The following RHOBTB3 variants were observed in gnomAD, a reference collection of about 807,000 sequenced individuals.
RHOBTB3 encodes the protein rho-related BTB domain-containing protein 3.
Under a neutral mutation model 67.2 loss-of-function variants are expected in RHOBTB3, and 47 were observed. The ratio of observed to expected loss-of-function variants is 0.70; its 90% CI spans 0.55 to 0.89. RHOBTB3 has a LOEUF of 0.89. Among genes scored for constraint, RHOBTB3 ranks in the 40% least tolerant of loss-of-function variants. The probability of loss-of-function intolerance (pLI) is 0.00; values close to 1 mark genes in which losing one functional copy is unlikely to be tolerated. For missense variants in RHOBTB3, 631 were observed against 750.0 expected (o/e 0.84, Z 1.85); for synonymous variants, 273 against 274.2 (o/e 1.00, Z 0.04).
At chr5:95,731,194 G>C (rs1755224754), upstream of RHOBTB3, 1 of 1,004,182 alleles carries the variant, frequency 1.0e-6, no homozygotes. Flanking sequence ...GAGCTCCCGG[G>C]GCCTCCGCGG....
intron 1 of RHOBTB3, among the ~76,000 whole-genome samples, chr5:95,722,253 A>G (rs559511711): frequency 6.6e-6 from 1 of 152,192 alleles, no homozygotes; most frequent in African/African-American, 2.4e-5. Context: ...TTAAAACATG[A>G]GCCAAATTAT....
chr5:95,792,355 C>T (rs1746424640), intron 11 of RHOBTB3, among the ~76,000 whole-genome samples: 2 of 144,988 alleles, frequency 1.4e-5, no homozygotes, highest in South Asian at 4.3e-4. Context: ...CCACTGCGCT[C>T]CAGCCTGGGC....
rs948010737 is a variant in RHOBTB3, at chr5:95,747,447, A to G, written c.416-886A>G. The stretch of plus-strand genomic sequence containing the variant: ...GGGAAGCCAATCTACAACAACATGC[A>G]TTTCTAGAAATGAATTTACCCTCTT... On this transcript the variant is annotated intron_variant, in intron 3 of 11. Transcript: ENST00000379982. Among the ~76,000 whole-genome samples the G allele has an allele frequency of 1.0e-3, 155 of 152,328 alleles. 1 individual carries two copies. Among genetic ancestry groups the G allele is most frequent in the Non-Finnish European group, 9.1e-4 (62 of 68,020 alleles).
chr5:95,731,230 A>T, upstream of RHOBTB3: 1 of 1,002,264 alleles, frequency 1.0e-6, no homozygotes, highest in Non-Finnish European at 1.2e-6. Context: ...CATCCGCCCG[A>T]CCCCCGGGGC....
At chr5:95,784,675 C>T (rs1163119579) in intron 10 of RHOBTB3, among the ~76,000 whole-genome samples, 1 of 152,136 alleles carries the variant, frequency 6.6e-6, no homozygotes, top group Admixed American at 6.5e-5. Flanking sequence ...TGAATCAGAG[C>T]CAGGTCTGTA....
chr5:95,788,460 A>G (rs1354148233), intron 10 of RHOBTB3, among the ~76,000 whole-genome samples: 1 of 152,254 alleles, frequency 6.6e-6, no homozygotes, highest in African/African-American at 2.4e-5. Flanking sequence ...AAAAGCTCAA[A>G]TTAAATCTTC....
At chr5:95,756,703 G>T (rs1745256893) in intron 6 of RHOBTB3, among the ~76,000 whole-genome samples, 1 of 151,860 alleles carries the variant, frequency 6.6e-6, no homozygotes, top group Admixed American at 6.6e-5. Flanking sequence ...CATCTTAATG[G>T]GTTTGATGTG....
chr5:95,773,242 A>T (rs1440890978), intron 8 of RHOBTB3, among the ~76,000 whole-genome samples: 1 of 152,132 alleles, frequency 6.6e-6, no homozygotes, highest in Non-Finnish European at 1.5e-5. Context: ...TTCACCCTTT[A>T]TGCAGGGCTG....
At chr5:95,718,100 T>C (rs1330715195) in intron 1 of RHOBTB3, among the ~76,000 whole-genome samples, 2 of 152,226 alleles carry the variant, frequency 1.3e-5, no homozygotes, top group African/African-American at 2.4e-5. Flanking sequence ...TATGGACCAT[T>C]ATACAAGTCT....
chr5:95,718,465 G>C (rs953126796), intron 1 of RHOBTB3, among the ~76,000 whole-genome samples: 2 of 152,198 alleles, frequency 1.3e-5, no homozygotes, highest in African/African-American at 4.8e-5. Context: ...GAAGCTGAGG[G>C]AAGTTCCCCA....
chr5:95,755,447 A>G lies in RHOBTB3; in HGVS notation c.734A>G (p.Asn245Ser). The change falls in exon 6 of 12, where the codon AAT (asparagine) becomes AGT (serine). Residue 245 changes from asparagine (N) to serine (S), a missense_variant. Physicochemically the swap from Asn to Ser is conservative, Grantham distance 46. Transcript: ENST00000379982. ...AEASHYNSDL[N>S]NLLFCCQCVD... ...GCGTCACATTATAACTCTGACTTAA[A>G]TAACTTGCTGTTCTGCTGCCAGTGT... 6.2e-7 allele frequency: 1 copy of G among 1,612,346 alleles called. No homozygotes were observed. The highest frequency in any genetic ancestry group is 1.1e-5 in the South Asian group (1 of 90,470).
At chr5:95,782,313 C>T (rs1040624758) in intron 9 of RHOBTB3, 1 of 152,016 alleles carries the variant, frequency 6.6e-6, no homozygotes, top group African/African-American at 2.4e-5. Flanking sequence ...CATGAAAAAC[C>T]AGATTTCTAG....
chr5:95,731,215 C>T (rs1359758407), upstream of RHOBTB3: 4 of 1,003,540 alleles, frequency 4.0e-6, no homozygotes, highest in Admixed American at 6.0e-5. Flanking sequence ...GGAGCGCGTC[C>T]CCCGCATCCG....
At chr5:95,780,174 C>A in intron 8 of RHOBTB3, 78 bp from the exon 9 acceptor site, 3 of 1,209,106 alleles carry the variant, frequency 2.5e-6, no homozygotes, top group Non-Finnish European at 1.2e-6. Context: ...ATGTGGTAGT[C>A]TAATTAGAAG....
intron 3 of RHOBTB3, among the ~76,000 whole-genome samples, chr5:95,739,976 G>T (rs1400189267): frequency 6.6e-6 from 1 of 152,196 alleles, no homozygotes; most frequent in African/African-American, 2.4e-5. Context: ...ATCTCACGTT[G>T]AATTGTCATA....
chr5:95,767,103 C>T (rs754322721), intron 7 of RHOBTB3, among the ~76,000 whole-genome samples: 30 of 151,954 alleles, frequency 2.0e-4, no homozygotes, highest in Non-Finnish European at 3.4e-4. Context: ...CCCAGCTTCT[C>T]GGGAGGCTGA....
At position 95,795,083 on chromosome 5, in the gene RHOBTB3, CAA is replaced by C. The variant is rs1285456858; in HGVS notation, c.*1910_*1911del. On this transcript the variant is annotated 3_prime_UTR_variant, in exon 12 of 12. Coordinates refer to ENST00000379982, the MANE Select transcript of RHOBTB3 (RefSeq NM_014899.4). ...CACCACTGCACTCCAGCCTGGGTGACAAGAGCGAAACTCCATCTCAAAAAAAA... is the reference window on the plus strand; with the variant it reads ...CACCACTGCACTCCAGCCTGGGTGACGAGCGAAACTCCATCTCAAAAAAAA... 8.3e-6 allele frequency: 1 copy of C among 120,548 alleles called. No individual in the cohort carries two copies. Among genetic ancestry groups the C allele is most frequent in the Non-Finnish European group, 1.6e-5 (1 of 61,292 alleles). The allele number at this position is 120,548 out of a possible 1,614,324, so 7.5% of individuals were successfully genotyped here.
chr5:95,745,041 C>T (rs1463509083), intron 3 of RHOBTB3, among the ~76,000 whole-genome samples: 2 of 150,998 alleles, frequency 1.3e-5, no homozygotes, highest in Admixed American at 6.6e-5. Flanking sequence ...CCACTGCACT[C>T]CAGCCTGGGC....
In RHOBTB3 at chr5:95,768,182, T is replaced by C. The variant is rs1253609340; in HGVS notation, c.1282+16T>C. ...GAAATTCAAGGTACGGATCAACTTT[T>C]ACAAAGTTTATGATTCATTTTTATT... On this transcript the variant is annotated intron_variant, in intron 8 of 11. Coordinates refer to ENST00000379982, the MANE Select transcript of RHOBTB3 (RefSeq NM_014899.4). 5.6e-6 allele frequency: 9 copies of C among 1,595,684 alleles called. No homozygotes were observed. Among genetic ancestry groups the C allele is most frequent in the East Asian group, 2.2e-5 (1 of 44,820 alleles).
Sources: gnomAD v4.1 joint callset for allele counts (sites outside exome capture counted in the v4.1 genomes callset) on GRCh38, gnomAD v4.1.1 for gene constraint, MANE v1.5 for transcripts, NCBI Gene and HGNC (gene_info 2026-07-23, HGNC 2026-07-21) for gene names.